Variants in NTM observed in about 807,000 individuals in gnomAD.
NTM encodes the protein IgLON family member 2.
In NTM, 13 loss-of-function variants were observed where a neutral mutation model predicts 42.1. The ratio of observed to expected loss-of-function variants is 0.31; its 90% CI spans 0.20 to 0.49. The LOEUF (loss-of-function observed/expected upper bound fraction) is 0.49. Ranked by LOEUF, NTM falls within the 20% of genes least tolerant of loss-of-function variation. The pLI is 0.99. For missense variants in NTM, 373 were observed against 452.8 expected (o/e 0.82, Z 1.60); for synonymous variants, 187 against 179.2 (o/e 1.04, Z -0.35).
intron 1 of NTM, among the ~76,000 whole-genome samples, chr11:131,579,002 CTAAAA>C (rs1302295027): frequency 6.6e-6 from 1 of 152,144 alleles, no homozygotes; most frequent in Non-Finnish European, 1.5e-5. Context: ...GACTTGGGGA[CTAAAA>C]TAGAATTTAG....
chr11:131,439,288 G>A (rs1252507286), intron 1 of NTM, among the ~76,000 whole-genome samples: 2 of 152,326 alleles, frequency 1.3e-5, no homozygotes, highest in African/African-American at 2.4e-5. Flanking sequence ...GAGGCAGTCT[G>A]TCCGTTCTCC....
chr11:132,269,960 C>A (rs570981331), intron 4 of NTM, among the ~76,000 whole-genome samples: 2 of 152,242 alleles, frequency 1.3e-5, no homozygotes, highest in East Asian at 3.9e-4. Context: ...AGTCAGGTAA[C>A]CAACTTAATC....
chr11:132,026,398 A>C (rs1942106186), intron 2 of NTM, among the ~76,000 whole-genome samples: 1 of 152,166 alleles, frequency 6.6e-6, no homozygotes, highest in South Asian at 2.1e-4. Context: ...CCTGGGGTCC[A>C]CTTATATGAG....
chr11:131,750,647 A>G (rs1347758296), intron 1 of NTM, among the ~76,000 whole-genome samples: 2 of 152,038 alleles, frequency 1.3e-5, no homozygotes, highest in Non-Finnish European at 2.9e-5. Context: ...TCCGCTTTCC[A>G]CCACAGCCCA....
chr11:131,971,843 G>A (rs2063575219), intron 2 of NTM, among the ~76,000 whole-genome samples: 1 of 151,814 alleles, frequency 6.6e-6, no homozygotes, highest in Admixed American at 6.6e-5. Context: ...AGGAGATCAA[G>A]ACCATCCTCG....
intron 1 of NTM, among the ~76,000 whole-genome samples, chr11:131,866,880 T>A (rs1045062943): frequency 6.6e-6 from 1 of 152,186 alleles, no homozygotes; most frequent in Non-Finnish European, 1.5e-5. Context: ...GACAAACTGA[T>A]ATCTTCAGGG....
At chr11:131,660,032 G>A (rs111755463) in intron 1 of NTM, among the ~76,000 whole-genome samples, 1,616 of 152,348 alleles carry the variant, frequency 0.011, 27 homozygotes, top group African/African-American at 0.037. Flanking sequence ...GTTCTTGCAA[G>A]TAGAATGCTC....
At chr11:131,831,756 G>T (rs1331966057) in intron 1 of NTM, among the ~76,000 whole-genome samples, 5 of 151,996 alleles carry the variant, frequency 3.3e-5, no homozygotes, top group Admixed American at 6.6e-5. Flanking sequence ...TCAGGTAGCA[G>T]ATACTTTGAC....
At chr11:131,892,646 G>A (rs373621363) in intron 1 of NTM, among the ~76,000 whole-genome samples, 4 of 152,352 alleles carry the variant, frequency 2.6e-5, no homozygotes, top group African/African-American at 9.6e-5. Flanking sequence ...TAACAGACTT[G>A]AGGGTGGAGG....
intron 1 of NTM, chr11:131,794,447 A>G: frequency 1.0e-6 from 1 of 983,940 alleles, no homozygotes; most frequent in South Asian, 4.7e-5. Context: ...ATGCTGTCAC[A>G]TGAGGCGTTT....
At chr11:131,602,082 T>C (rs1251756816) in intron 1 of NTM, among the ~76,000 whole-genome samples, 2 of 152,156 alleles carry the variant, frequency 1.3e-5, no homozygotes, top group Admixed American at 6.5e-5. Flanking sequence ...TTTAGGCCAG[T>C]TTATTAATTA....
At chr11:131,379,640 T>A (rs1299649456) in intron 1 of NTM, among the ~76,000 whole-genome samples, 1 of 152,202 alleles carries the variant, frequency 6.6e-6, no homozygotes, top group Non-Finnish European at 1.5e-5. Context: ...AATACTGCCT[T>A]GTACATAGGA....
At chr11:131,810,167 C>G (rs1430027526) in intron 1 of NTM, among the ~76,000 whole-genome samples, 1 of 152,122 alleles carries the variant, frequency 6.6e-6, no homozygotes, top group Non-Finnish European at 1.5e-5. Context: ...CTACTCCTGT[C>G]CCTCCTCTGC....
intron 4 of NTM, among the ~76,000 whole-genome samples, chr11:132,248,394 G>A (rs1416210840): frequency 6.8e-6 from 1 of 147,374 alleles, no homozygotes; most frequent in Non-Finnish European, 1.5e-5. Context: ...TAGCCCTTGA[G>A]GTTTTTTTTT....
intron 1 of NTM, among the ~76,000 whole-genome samples, chr11:131,827,110 T>G (rs981727913): frequency 6.6e-6 from 1 of 152,146 alleles, no homozygotes; most frequent in Non-Finnish European, 1.5e-5. Context: ...GTTGATGAAT[T>G]GAAGCTATTA....
chr11:131,878,568 T>C (rs1356310696), intron 1 of NTM, among the ~76,000 whole-genome samples: 1 of 16,142 alleles, frequency 6.2e-5, no homozygotes, highest in Admixed American at 1.1e-3. Flanking sequence ...AGACTCCATC[T>C]CAAAAAAAAA....
intron 1 of NTM, among the ~76,000 whole-genome samples, chr11:131,878,570 A>C (rs1229352545): frequency 1.2e-4 from 1 of 8,384 alleles, no homozygotes; most frequent in South Asian, 3.6e-3. Context: ...ACTCCATCTC[A>C]AAAAAAAAAA....
chr11:132,240,189 T>C (rs1469892096), intron 4 of NTM, among the ~76,000 whole-genome samples: 1 of 152,252 alleles, frequency 6.6e-6, no homozygotes, highest in Admixed American at 6.5e-5. Flanking sequence ...GATTTCTGTC[T>C]TTGGGGATTT....
intron 2 of NTM, among the ~76,000 whole-genome samples, chr11:132,079,793 A>G (rs1019781478): frequency 3.3e-5 from 5 of 152,224 alleles, no homozygotes; most frequent in African/African-American, 1.2e-4. Flanking sequence ...TTTGTATTTT[A>G]TACTATTAAT....
Sources: allele counts gnomAD v4.1 joint callset (sites outside exome capture counted in the v4.1 genomes callset), GRCh38; gene constraint gnomAD v4.1.1; transcripts MANE v1.5; gene names NCBI Gene and HGNC (gene_info 2026-07-23, HGNC 2026-07-21).